Variants in STK32C observed in about 807,000 individuals in gnomAD.
The protein encoded by STK32C is serine/threonine-protein kinase 32C.
A neutral mutation model predicts 56.5 loss-of-function variants in STK32C; 31 were observed. That is an observed-to-expected ratio of 0.55 (90% CI 0.41 to 0.74). The LOEUF is 0.74. Ranked by LOEUF, STK32C falls within the 30% of genes least tolerant of loss-of-function variation. The pLI is 0.00. For missense variants in STK32C, 544 were observed against 676.9 expected (o/e 0.80, Z 2.18); for synonymous variants, 309 against 289.4 (o/e 1.07, Z -0.69).
intron 1 of STK32C, among the ~76,000 whole-genome samples, chr10:132,261,344 C>A (rs1310812161): frequency 6.6e-6 from 1 of 152,204 alleles, no homozygotes; most frequent in African/African-American, 2.4e-5. Flanking sequence ...CAATAACATT[C>A]AAGCTGAGAA....
intron 1 of STK32C, among the ~76,000 whole-genome samples, chr10:132,271,103 C>T (rs949218995): frequency 6.6e-5 from 10 of 152,134 alleles, no homozygotes; most frequent in African/African-American, 2.4e-4. Context: ...ATGACTAGGG[C>T]TCCATTATCA....
intron 1 of STK32C, among the ~76,000 whole-genome samples, chr10:132,264,581 G>A (rs1027636272): frequency 6.6e-6 from 1 of 152,210 alleles, no homozygotes; most frequent in Non-Finnish European, 1.5e-5. Context: ...GACCCCTCCA[G>A]GACCCTCTCC....
intron 2 of STK32C, among the ~76,000 whole-genome samples, chr10:132,231,665 T>G (rs2063104438): frequency 6.6e-6 from 1 of 152,228 alleles, no homozygotes; most frequent in Non-Finnish European, 1.5e-5. Flanking sequence ...GTTGAGGATC[T>G]GGAGGTCCTG....
At chr10:132,318,212 G>A (rs2138449691) in intron 1 of STK32C, among the ~76,000 whole-genome samples, 1 of 152,104 alleles carries the variant, frequency 6.6e-6, no homozygotes, top group Admixed American at 6.5e-5. Context: ...AGGTTGCAGT[G>A]AGCCAAGATC....
intron 8 of STK32C, among the ~76,000 whole-genome samples, chr10:132,223,865 C>T (rs988749474): frequency 2.0e-5 from 3 of 152,232 alleles, no homozygotes; most frequent in African/African-American, 7.2e-5. Flanking sequence ...AGTCAAGGCA[C>T]AGCCCCAGCC....
At chr10:132,314,353 AG>A (rs1298694648) in intron 1 of STK32C, among the ~76,000 whole-genome samples, 1 of 152,216 alleles carries the variant, frequency 6.6e-6, no homozygotes, top group Non-Finnish European at 1.5e-5. Context: ...TGACAGACTG[AG>A]GGTGGCTATC....
At chr10:132,230,036 G>T (rs1332064255) in intron 2 of STK32C, among the ~76,000 whole-genome samples, 4 of 152,198 alleles carry the variant, frequency 2.6e-5, no homozygotes, top group Admixed American at 2.6e-4. Context: ...CCAGAGGCGC[G>T]TGTGCTGATG....
chr10:132,244,360 G>A (rs2063610252), intron 2 of STK32C, among the ~76,000 whole-genome samples: 1 of 152,206 alleles, frequency 6.6e-6, no homozygotes, highest in Non-Finnish European at 1.5e-5. Context: ...CTGGTCCAAG[G>A]AGTAGAACCC....
chr10:132,301,908 C>G (rs1347330975), intron 1 of STK32C, among the ~76,000 whole-genome samples: 3 of 152,230 alleles, frequency 2.0e-5, no homozygotes, highest in Non-Finnish European at 4.4e-5. Context: ...GTTTCCTGCC[C>G]TCACTCACCA....
At chr10:132,295,005 G>A (rs2065694780) in intron 1 of STK32C, among the ~76,000 whole-genome samples, 1 of 152,174 alleles carries the variant, frequency 6.6e-6, no homozygotes, top group African/African-American at 2.4e-5. Flanking sequence ...AGCGGCCTCT[G>A]CCCCTCTCGG....
chr10:132,243,039 G>A (rs2063561016), intron 2 of STK32C, among the ~76,000 whole-genome samples: 1 of 152,232 alleles, frequency 6.6e-6, no homozygotes, highest in African/African-American at 2.4e-5. Flanking sequence ...TTCATGCCCA[G>A]CCCAACCTGC....
At chr10:132,323,042 C>G (rs544191756), downstream of STK32C, among the ~76,000 whole-genome samples, 274 of 152,254 alleles carry the variant, frequency 1.8e-3, 1 homozygote, top group African/African-American at 5.8e-3. The surrounding 1 kb of genome is among the most constrained non-coding windows in gnomAD (Gnocchi z 4.8). Context: ...CTTCCCTGGT[C>G]TAAGTGCTGC....
At chr10:132,306,825 C>G (rs971402887) in intron 1 of STK32C, 1 of 152,212 alleles carries the variant, frequency 6.6e-6, no homozygotes, top group South Asian at 2.1e-4. Flanking sequence ...CAGGCAGACG[C>G]GGCACCACAT....
At chr10:132,234,183 G>A (rs1695252390) in intron 2 of STK32C, among the ~76,000 whole-genome samples, 2 of 152,206 alleles carry the variant, frequency 1.3e-5, no homozygotes, top group South Asian at 2.1e-4. Flanking sequence ...CCCTGGGATC[G>A]AGGACCTGTG....
chr10:132,295,802 T>C (rs2065727481), intron 1 of STK32C, among the ~76,000 whole-genome samples: 1 of 151,652 alleles, frequency 6.6e-6, no homozygotes, highest in Admixed American at 6.6e-5. Flanking sequence ...AAGAATCGCT[T>C]GAACCCAGAG....
intron 1 of STK32C, among the ~76,000 whole-genome samples, chr10:132,296,570 A>ATGTGAAAAAC (rs1289883457): frequency 6.6e-6 from 1 of 152,232 alleles, no homozygotes; most frequent in Non-Finnish European, 1.5e-5. Context: ...CTGGGAGGTC[A>ATGTGAAAAAC]TGTGAAAAAC....
Position 132,222,986 on chromosome 10 carries a change from G to A in STK32C, c.994C>T (p.Leu332Phe). 1 of 1,549,088 alleles carries A rather than the reference G, an allele frequency of 6.5e-7. No homozygotes were observed. Among genetic ancestry groups the A allele is most frequent in the African/African-American group, 1.4e-5 (1 of 73,422 alleles). Reference protein sequence around the residue: ...SKEMVALLRKLLTVNPEHRLS... With the variant: ...SKEMVALLRKFLTVNPEHRLS... ...CGGTGCTCGGGGTTCACAGTGAGGAGCTGCAACCAGGCATGAGTCAGAGGG... is the reference window on the plus strand; with the variant it reads ...CGGTGCTCGGGGTTCACAGTGAGGAACTGCAACCAGGCATGAGTCAGAGGG... The change falls in exon 9 of 12, where the codon CTC becomes TTC. Residue 332 changes from leucine to phenylalanine, a missense_variant and splice_region_variant. Leu to Phe is a conservative substitution (Grantham distance 22, BLOSUM62 0). Transcript: ENST00000298630.
At chr10:132,285,210 C>T (rs2065365304) in intron 1 of STK32C, among the ~76,000 whole-genome samples, 1 of 152,046 alleles carries the variant, frequency 6.6e-6, no homozygotes, top group Non-Finnish European at 1.5e-5. Context: ...AAAGACCAGG[C>T]ATGAACCCAG....
chr10:132,279,028 T>G (rs938293653), intron 1 of STK32C, among the ~76,000 whole-genome samples: 1 of 152,158 alleles, frequency 6.6e-6, no homozygotes, highest in Non-Finnish European at 1.5e-5. Context: ...CCAGTGCCAG[T>G]TGCCCATATA....
Sources: gnomAD v4.1 joint callset for allele counts (sites outside exome capture counted in the v4.1 genomes callset) on GRCh38, gnomAD v4.1.1 for gene constraint, Gnocchi (gnomAD v3.1) non-coding constraint, MANE v1.5 for transcripts, NCBI Gene and HGNC (gene_info 2026-07-23, HGNC 2026-07-21) for gene names.